Variants in FOCAD observed in about 807,000 individuals in gnomAD.
FOCAD encodes the protein focadhesin.
FOCAD carries 198 observed loss-of-function variants against 225.6 expected under a neutral mutation model. That is an observed-to-expected ratio of 0.88 (90% CI 0.78 to 0.99). The LOEUF (loss-of-function observed/expected upper bound fraction) is 0.99, where lower values mean the gene tolerates loss of function less well. Among genes scored for constraint, FOCAD ranks in the 50% least tolerant of loss-of-function variants. The pLI, the probability that FOCAD is intolerant of heterozygous loss-of-function variation, is 0.00. For synonymous variants in FOCAD, 897 were observed against 755.0 expected (o/e 1.19, Z -3.08); for missense variants, 2,713 against 2,123.6 (o/e 1.28, Z -5.46).
chr9:20,737,848 C>A (rs10511689), intron 4 of FOCAD, among the ~76,000 whole-genome samples: 26,539 of 152,140 alleles, frequency 0.17, 2,515 homozygotes, highest in Non-Finnish European at 0.21. Flanking sequence ...ATCCCATAGA[C>A]CTTCAGAGGA....
intron 2 of FOCAD, among the ~76,000 whole-genome samples, chr9:20,672,156 G>C (rs1822082697): frequency 6.6e-6 from 1 of 152,118 alleles, no homozygotes; most frequent in Non-Finnish European, 1.5e-5. Context: ...AAACTTTATA[G>C]AAGACTGTTC....
intron 15 of FOCAD, among the ~76,000 whole-genome samples, chr9:20,843,355 A>G (rs1269819932): frequency 6.6e-6 from 1 of 152,034 alleles, no homozygotes; most frequent in Non-Finnish European, 1.5e-5. Flanking sequence ...TCGTATTTGA[A>G]GGATATTTTT....
intron 28 of FOCAD, among the ~76,000 whole-genome samples, chr9:20,934,636 A>T (rs1447757911): frequency 6.6e-6 from 1 of 151,892 alleles, no homozygotes; most frequent in Non-Finnish European, 1.5e-5. Context: ...TGTTTTGGTG[A>T]ATGTGGCCTT....
intron 2 of FOCAD, among the ~76,000 whole-genome samples, chr9:20,659,792 C>T (rs1290842550): frequency 2.0e-5 from 3 of 152,224 alleles, no homozygotes; most frequent in Admixed American, 2.0e-4. Flanking sequence ...CATTGGAAAG[C>T]AGTGAGATGC....
At chr9:20,736,691 C>A (rs1827178389) in intron 4 of FOCAD, among the ~76,000 whole-genome samples, 1 of 152,018 alleles carries the variant, frequency 6.6e-6, no homozygotes, top group Admixed American at 6.6e-5. Context: ...TGAATTATCC[C>A]AGCTTTTTGA....
chr9:20,836,061 G>A (rs745624767), intron 15 of FOCAD, among the ~76,000 whole-genome samples: 4 of 152,078 alleles, frequency 2.6e-5, no homozygotes, highest in African/African-American at 9.7e-5. Context: ...CATGGTGGAA[G>A]ATAGTTGTCC....
At chr9:20,686,360 T>C (rs1822667333) in intron 1 of FOCAD, among the ~76,000 whole-genome samples, 1 of 152,178 alleles carries the variant, frequency 6.6e-6, no homozygotes, top group Admixed American at 6.5e-5. Flanking sequence ...TTTCACCATG[T>C]TGGCCAGGCT....
At chr9:20,986,488 A>G (rs200371267) in intron 40 of FOCAD, 23 bp downstream of exon 40, 2 of 1,569,788 alleles carry the variant, frequency 1.3e-6, no homozygotes, top group Non-Finnish European at 1.7e-6. Context: ...TGGGGTGAAC[A>G]TCAGAAACAG....
At chr9:20,821,996 TAAAAAAAAAAAAAA>T (rs58640962) in intron 14 of FOCAD, among the ~76,000 whole-genome samples, 182 of 49,352 alleles carry the variant, frequency 3.7e-3, no homozygotes, top group South Asian at 6.3e-3. Flanking sequence ...TAAAAGTTAC[TAAAAAAAAAAAAAA>T]AAAAAAAAAA....
intron 26 of FOCAD, 55 bp from the exon 27 acceptor site, chr9:20,929,303 T>A (rs1441334081): frequency 7.3e-7 from 1 of 1,370,062 alleles, no homozygotes; most frequent in East Asian, 2.3e-5. Flanking sequence ...TTATGATAGG[T>A]ATGCTTCCTT....
At chr9:20,662,179 A>AAT (rs1202931903) in intron 2 of FOCAD, among the ~76,000 whole-genome samples, 1 of 151,052 alleles carries the variant, frequency 6.6e-6, no homozygotes, top group Non-Finnish European at 1.5e-5. Context: ...ATAAAGTGGA[A>AAT]ATATATGTGT....
intron 1 of FOCAD, among the ~76,000 whole-genome samples, chr9:20,709,487 T>C (rs1302575933): frequency 7.3e-6 from 1 of 137,094 alleles, no homozygotes; most frequent in Non-Finnish European, 1.5e-5. Flanking sequence ...GGTGACAAAG[T>C]GAAACCGTCT....
At chr9:20,758,238 T>A (rs1829241291) in intron 6 of FOCAD, 47 bp downstream of exon 6, 2 of 1,357,790 alleles carry the variant, frequency 1.5e-6, no homozygotes, top group Admixed American at 2.2e-5. Context: ...GACAGAATGG[T>A]ATATGCTAAT....
intron 23 of FOCAD, among the ~76,000 whole-genome samples, chr9:20,915,311 T>C (rs149214499): frequency 5.3e-4 from 80 of 152,272 alleles, no homozygotes; most frequent in African/African-American, 1.7e-3. Flanking sequence ...GAGCCCTGAT[T>C]CTATATTTAA....
At chr9:20,845,764 A>C (rs538829009) in intron 15 of FOCAD, among the ~76,000 whole-genome samples, 24 of 152,154 alleles carry the variant, frequency 1.6e-4, no homozygotes, top group Middle Eastern at 3.4e-3. Context: ...ATAGGATATA[A>C]GTTTTTTTTA....
intron 1 of FOCAD, among the ~76,000 whole-genome samples, chr9:20,710,722 C>G (rs1824779189): frequency 6.6e-6 from 1 of 151,936 alleles, no homozygotes; most frequent in Non-Finnish European, 1.5e-5. Context: ...TTTAAGGTCA[C>G]AAAAATGTTT....
chr9:20,976,637 G>T, intron 36 of FOCAD, 89 bp downstream of exon 36: 1 of 1,334,940 alleles, frequency 7.5e-7, no homozygotes, highest in South Asian at 1.2e-5. Flanking sequence ...AATGTGTAGT[G>T]ACTGGATAGA....
chr9:20,666,333 G>A (rs144149256), intron 2 of FOCAD, among the ~76,000 whole-genome samples: 3 of 152,298 alleles, frequency 2.0e-5, no homozygotes, highest in East Asian at 3.9e-4. Flanking sequence ...CACTTTGGGA[G>A]GCTGAGGTGG....
At chr9:20,671,160 C>A (rs1023172689) in intron 2 of FOCAD, among the ~76,000 whole-genome samples, 3 of 151,538 alleles carry the variant, frequency 2.0e-5, no homozygotes, top group Non-Finnish European at 4.4e-5. Context: ...ATACATACAA[C>A]CTTATAAATA....
Sources: allele counts gnomAD v4.1 joint callset (sites outside exome capture counted in the v4.1 genomes callset), GRCh38; gene constraint gnomAD v4.1.1; transcripts MANE v1.5; gene names NCBI Gene and HGNC (gene_info 2026-07-23, HGNC 2026-07-21).